The following ZNF708 variants were observed in gnomAD, a reference collection of about 807,000 sequenced individuals.
ZNF708 encodes the protein ZNF15, ZNF15L1.
In ZNF708, 44 loss-of-function variants were observed where a neutral mutation model predicts 47.0. The observed-to-expected ratio is 0.94, with a 90% CI of 0.74 to 1.20. The LOEUF is 1.20. Among genes scored for constraint, ZNF708 ranks in the 50% most tolerant of loss-of-function variants. The pLI, the probability that ZNF708 is intolerant of heterozygous loss-of-function variation, is 0.00. For missense variants in ZNF708, 557 were observed against 656.0 expected (o/e 0.85, Z 1.65); for synonymous variants, 184 against 218.5 (o/e 0.84, Z 1.39).
At chr19:21,325,266 T>A (rs1973232928) in intron 1 of ZNF708, among the ~76,000 whole-genome samples, 1 of 152,156 alleles carries the variant, frequency 6.6e-6, no homozygotes, top group South Asian at 2.1e-4. Flanking sequence ...AAAACAAGGC[T>A]AAGCAAAAAG....
At chr19:21,311,056 G>C (rs1217758863) in intron 1 of ZNF708, among the ~76,000 whole-genome samples, 1 of 152,072 alleles carries the variant, frequency 6.6e-6, no homozygotes, top group Non-Finnish European at 1.5e-5. Flanking sequence ...AGAAGATCTG[G>C]AATAAAGTCT....
chr19:21,293,191 T>A lies in ZNF708; in HGVS notation c.*83A>T. ...AGCCAGTTAAAGGCTTTGCCACATT[T>A]ATCACATTTGTAGGATTTCTCTCCA... On this transcript the variant is annotated 3_prime_UTR_variant, in exon 4 of 4. Coordinates refer to ENST00000356929, the MANE Select transcript of ZNF708 (RefSeq NM_021269.3). The A allele has an allele frequency of 1.4e-6, 2 of 1,458,858 alleles. No individual in the cohort carries two copies. The highest frequency in any genetic ancestry group is 1.9e-6 in the Non-Finnish European group (2 of 1,066,632). The allele number at this position is 1,458,858 out of a possible 1,614,324, so 90.4% of individuals were successfully genotyped here.
Position 21,293,798 on chromosome 19 carries a change from T to G in ZNF708, c.1168A>C (p.Lys390Gln), listed in dbSNP as rs1972455351. ...TNHKVIHTGE[K>Q]PYKCEECGKA... ...CCACATTCTTCACATTTGTAGGGTT[T>G]CTCTCCAGTATGAATTACCTTATGA... The change falls in exon 4 of 4, where the codon AAA (lysine) becomes CAA (glutamine). Residue 390 changes from lysine (K) to glutamine (Q), a missense_variant. Transcript: ENST00000356929. The G allele has an allele frequency of 1.2e-6, 2 of 1,613,570 alleles. No homozygotes were observed. Among genetic ancestry groups the G allele is most frequent in the Non-Finnish European group, 1.7e-6 (2 of 1,179,888 alleles).
chr19:21,325,387 A>C (rs1483209725), intron 1 of ZNF708, among the ~76,000 whole-genome samples: 1 of 152,234 alleles, frequency 6.6e-6, no homozygotes, highest in Non-Finnish European at 1.5e-5. Context: ...AATGGAACAG[A>C]ATAGAGAACC....
intron 1 of ZNF708, among the ~76,000 whole-genome samples, chr19:21,314,271 C>T (rs1972960594): frequency 6.6e-6 from 1 of 151,900 alleles, no homozygotes; most frequent in East Asian, 1.9e-4. Context: ...TAAATCCCAG[C>T]GTTTGCGTAA....
intron 3 of ZNF708, among the ~76,000 whole-genome samples, chr19:21,296,609 T>G (rs1414199929): frequency 6.6e-6 from 1 of 152,166 alleles, no homozygotes; most frequent in Non-Finnish European, 1.5e-5. Context: ...TCATATGCCC[T>G]ACATACCAAA....
intron 3 of ZNF708, among the ~76,000 whole-genome samples, chr19:21,301,082 G>A (rs1370063195): frequency 2.0e-5 from 3 of 152,242 alleles, no homozygotes; most frequent in Admixed American, 6.5e-5. Flanking sequence ...AATATGAAAT[G>A]TAAAACTTAT....
chr19:21,316,137 T>TTC (rs1555722833), intron 1 of ZNF708, among the ~76,000 whole-genome samples: 2 of 138,682 alleles, frequency 1.4e-5, no homozygotes, highest in Non-Finnish European at 3.3e-5. Context: ...TTTTTTCTTT[T>TTC]TTTTTTTTTT....
chr19:21,310,264 G>GT (rs1972868918), intron 2 of ZNF708, among the ~76,000 whole-genome samples: 1 of 151,648 alleles, frequency 6.6e-6, no homozygotes, highest in South Asian at 2.1e-4. Context: ...GACCAACATG[G>GT]TAAGACCCCA....
intron 1 of ZNF708, among the ~76,000 whole-genome samples, chr19:21,314,983 G>T (rs1972974132): frequency 6.6e-6 from 1 of 152,144 alleles, no homozygotes; most frequent in South Asian, 2.1e-4. Flanking sequence ...AAATGGAACT[G>T]CCCTGGTTGA....
rs374668961 is a variant in ZNF708, at chr19:21,300,662, A to ATTC, written c.227-5924_227-5923insGAA. Among the ~76,000 whole-genome samples, 889 of 151,746 alleles carry ATTC rather than the reference A, an allele frequency of 5.9e-3. 10 individuals are homozygous for ATTC. Among genetic ancestry groups the ATTC allele is most frequent in the African/African-American group, 0.021 (850 of 41,388 alleles). On this transcript the variant is annotated intron_variant, in intron 3 of 3. Transcript: ENST00000356929. ...TTGTCATATACAATTTATTATTATT[A>ATTC]TTTATTATTATTTTTTGAGACAGAG...
At chr19:21,326,012 G>A (rs534808050) in intron 1 of ZNF708, among the ~76,000 whole-genome samples, 10 of 152,232 alleles carry the variant, frequency 6.6e-5, no homozygotes, top group South Asian at 2.1e-4. Context: ...ACCACAATGC[G>A]ATACCACCTT....
intron 3 of ZNF708, among the ~76,000 whole-genome samples, chr19:21,299,789 A>T (rs1160137800): frequency 1.3e-5 from 2 of 150,292 alleles, no homozygotes; most frequent in African/African-American, 4.9e-5. Context: ...AAAAAAAAAA[A>T]TTGTTTTTTT....
chr19:21,298,162 G>C (rs1414629898), intron 3 of ZNF708, among the ~76,000 whole-genome samples: 1 of 152,006 alleles, frequency 6.6e-6, no homozygotes, highest in Non-Finnish European at 1.5e-5. Flanking sequence ...TAGAAAACTT[G>C]AAATCAGTAT....
At chr19:21,329,052 T>C (rs1973319419) in intron 1 of ZNF708, among the ~76,000 whole-genome samples, 158 bp downstream of exon 1, 1 of 152,126 alleles carries the variant, frequency 6.6e-6, no homozygotes, top group Non-Finnish European at 1.5e-5. Flanking sequence ...GCAGCCGCCA[T>C]CTTATGGCTG....
At chr19:21,297,683 GATTT>G (rs775501481) in intron 3 of ZNF708, among the ~76,000 whole-genome samples, 272 of 148,180 alleles carry the variant, frequency 1.8e-3, no homozygotes, top group Middle Eastern at 6.9e-3. Context: ...TCAACGAAAT[GATTT>G]ATTAAAATCT....
chr19:21,303,510 C>T (rs1005946088), intron 3 of ZNF708, among the ~76,000 whole-genome samples: 2 of 151,528 alleles, frequency 1.3e-5, no homozygotes, highest in Non-Finnish European at 2.9e-5. Flanking sequence ...GGCAAGATCA[C>T]GCTACAGCAC....
chr19:21,311,273 G>A (rs1220636927), intron 1 of ZNF708, among the ~76,000 whole-genome samples: 2 of 152,028 alleles, frequency 1.3e-5, no homozygotes, highest in African/African-American at 4.8e-5. Flanking sequence ...AAAATATGAT[G>A]ATTTATGCAC....
chr19:21,297,157 T>A (rs1220001420), intron 3 of ZNF708, among the ~76,000 whole-genome samples: 5 of 144,572 alleles, frequency 3.5e-5, no homozygotes, highest in South Asian at 2.2e-4. Context: ...AATAAAAATT[T>A]AAAAAATATA....
Sources: allele counts gnomAD v4.1 joint callset (sites outside exome capture counted in the v4.1 genomes callset), GRCh38; gene constraint gnomAD v4.1.1; transcripts MANE v1.5; gene names NCBI Gene and HGNC (gene_info 2026-07-23, HGNC 2026-07-21).